The following APTX variants were observed in gnomAD, a reference collection of about 807,000 sequenced individuals.
APTX encodes the protein forkhead-associated domain histidine triad-like protein.
In APTX, 33 loss-of-function variants were observed where a neutral mutation model predicts 42.3. The ratio of observed to expected loss-of-function variants is 0.78; its 90% CI spans 0.59 to 1.04. APTX has a LOEUF of 1.04. Among genes scored for constraint, APTX ranks in the 50% least tolerant of loss-of-function variants. APTX has a pLI of 0.00. For synonymous variants in APTX, 130 were observed against 146.7 expected, an observed-to-expected ratio of 0.89 and a Z score of 0.82; for missense variants, 421 against 415.1, an observed-to-expected ratio of 1.01 and a Z score of -0.12.
intron 2 of APTX, among the ~76,000 whole-genome samples, chr9:32,988,443 T>C (rs959194649): frequency 1.3e-5 from 2 of 152,102 alleles, no homozygotes; most frequent in Non-Finnish European, 2.9e-5. Context: ...CTGCTCATGA[T>C]CACAGACTCT....
chr9:32,984,950 A>T (rs558899459), intron 5 of APTX, 93 bp from the exon 6 acceptor site: 2 of 1,199,184 alleles, frequency 1.7e-6, no homozygotes, highest in East Asian at 2.4e-5. Flanking sequence ...TAATTCCCAC[A>T]GTCTTGTGCA....
intron 1 of APTX, among the ~76,000 whole-genome samples, chr9:33,020,746 T>G (rs1838307168): frequency 6.6e-6 from 1 of 152,240 alleles, no homozygotes; most frequent in South Asian, 2.1e-4. Context: ...TTCAAACTTT[T>G]TAGCATAATG....
In APTX at chr9:32,986,041, AACAAAAAAAAAAAC is replaced by A. The variant is rs760674651; in HGVS notation, c.484-25_484-12del. 12 of 635,068 alleles carry A rather than the reference AACAAAAAAAAAAAC, an allele frequency of 1.9e-5. 1 individual carries two copies. The highest frequency in any genetic ancestry group is 1.3e-4 in the African/African-American group (5 of 37,546). 39.3% of individuals were successfully genotyped at this position (635,068 alleles called of 1,614,324 possible). ...GTGGCCCAGGGATTCCTAAAAAAAA[AACAAAAAAAAAAAC>A]AAAAAAAAAAAAAAACAAGCAATGT... On this transcript the variant is annotated splice_polypyrimidine_tract_variant and intron_variant, in intron 4 of 7. Transcript: ENST00000379817.
intron 1 of APTX, among the ~76,000 whole-genome samples, chr9:33,020,937 TG>T (rs777296317): frequency 7.6e-4 from 115 of 151,946 alleles, no homozygotes; most frequent in Non-Finnish European, 1.5e-3. Flanking sequence ...CAAGACAGCC[TG>T]GCCAACATGG....
In APTX at chr9:32,989,749, GACCAGTT is replaced by G; in HGVS notation, c.133+3_133+9del. The G allele has an allele frequency of 1.2e-6, 2 of 1,614,086 alleles. No individual in the cohort carries two copies. Among genetic ancestry groups the G allele is most frequent in the Non-Finnish European group, 8.5e-7 (1 of 1,180,030 alleles). ...ACCATAGTAATCTCCACATTTCTAT[GACCAGTT>G]ACCTTGCTGTCGAGAACATTTCTTA... is the stretch of plus-strand genomic sequence containing the variant. On this transcript the variant is annotated splice_donor_5th_base_variant and intron_variant, in intron 2 of 7. Transcript: ENST00000379817.
chr9:33,017,431 CAG>C (rs1837976159), intron 1 of APTX, among the ~76,000 whole-genome samples: 1 of 152,148 alleles, frequency 6.6e-6, no homozygotes, highest in South Asian at 2.1e-4. Context: ...GGTTTGTAGA[CAG>C]AGCTGTCCTC....
At chr9:33,020,349 G>A (rs1008812042) in intron 1 of APTX, among the ~76,000 whole-genome samples, 2 of 152,108 alleles carry the variant, frequency 1.3e-5, no homozygotes, top group Admixed American at 1.3e-4. Context: ...CCCTACCTCT[G>A]CATCAAGTCA....
At chr9:33,006,359 G>GAA (rs1321874975), upstream of APTX, among the ~76,000 whole-genome samples, 2 of 152,174 alleles carry the variant, frequency 1.3e-5, no homozygotes, top group African/African-American at 4.8e-5. Context: ...CAAATAGCTA[G>GAA]AATTGTGAAT....
chr9:32,977,234 C>T (rs1829635479), intron 6 of APTX, among the ~76,000 whole-genome samples: 1 of 152,024 alleles, frequency 6.6e-6, no homozygotes, highest in Non-Finnish European at 1.5e-5. Flanking sequence ...ACCTGTAATC[C>T]CAGCTACTCA....
chr9:32,990,470 G>A (rs999387481), intron 1 of APTX, among the ~76,000 whole-genome samples: 2 of 152,150 alleles, frequency 1.3e-5, no homozygotes, highest in African/African-American at 4.8e-5. Context: ...ATCACACCTG[G>A]CCTGTTACAC....
upstream of APTX, among the ~76,000 whole-genome samples, chr9:33,002,182 C>G (rs911419181): frequency 6.6e-6 from 1 of 151,808 alleles, no homozygotes; most frequent in Non-Finnish European, 1.5e-5. Context: ...TACAGCAATT[C>G]CAGAAAGTTC....
Position 32,973,409 on chromosome 9 carries a change from A to T in APTX, c.*89T>A. 1 of 1,424,348 alleles carries T rather than the reference A, an allele frequency of 7.0e-7. No homozygotes were observed. The allele number at this position is 1,424,348 out of a possible 1,614,324, so 88.2% of individuals were successfully genotyped here. ...AAAGCTGCATGTTTTAATTTAGGAA[A>T]TGAGTAGAAGTTCACAAGCAACCCA... On this transcript the variant is annotated 3_prime_UTR_variant, in exon 8 of 8. Transcript: ENST00000379817.
At position 33,001,297 on chromosome 9, in the gene APTX, T is replaced by C. The variant is rs540421898; in HGVS notation, c.-5+270A>G. The C allele has an allele frequency of 9.1e-5, 136 of 1,492,496 alleles. 2 individuals carry two copies. In the South Asian group the frequency reaches 1.5e-3, roughly 17 times the overall value. The allele number at this position is 1,492,496 out of a possible 1,614,324, so 92.5% of individuals were successfully genotyped here. On this transcript the variant is annotated intron_variant, in intron 1 of 7. Coordinates refer to ENST00000379817, the MANE Select transcript of APTX (RefSeq NM_001195248.2). ...TGGTTGGACAGGGCCCATTCTCTAATATTTTTTCGGCTTGTGTTGCGACCA... is the reference window on the plus strand; with the variant it reads ...TGGTTGGACAGGGCCCATTCTCTAACATTTTTTCGGCTTGTGTTGCGACCA...
intron 4 of APTX, 88 bp downstream of exon 4, chr9:32,987,456 T>C: frequency 6.5e-7 from 1 of 1,545,972 alleles, no homozygotes; most frequent in Non-Finnish European, 8.9e-7. Context: ...CCCTCACGCA[T>C]TTCTGAACTT....
chr9:33,018,814 G>A (rs1296178087), intron 1 of APTX, among the ~76,000 whole-genome samples: 1 of 152,182 alleles, frequency 6.6e-6, no homozygotes, highest in Non-Finnish European at 1.5e-5. Flanking sequence ...GGGAGGCGGA[G>A]GTTGCAGTGA....
At chr9:32,983,112 T>C (rs1181958404) in intron 6 of APTX, among the ~76,000 whole-genome samples, 1 of 152,116 alleles carries the variant, frequency 6.6e-6, no homozygotes, top group African/African-American at 2.4e-5. Context: ...ATTTTTTGTA[T>C]TTTTTGTAGA....
intron 4 of APTX, among the ~76,000 whole-genome samples, chr9:32,986,744 G>T (rs1487220774): frequency 6.7e-6 from 1 of 149,228 alleles, no homozygotes; most frequent in Non-Finnish European, 1.5e-5. Flanking sequence ...CAGGTGATCT[G>T]CCCATCTCGG....
At chr9:32,985,483 C>CA (rs1210599279) in intron 5 of APTX, among the ~76,000 whole-genome samples, 1 of 152,042 alleles carries the variant, frequency 6.6e-6, no homozygotes, top group Non-Finnish European at 1.5e-5. Context: ...TACAGGCATG[C>CA]ACCACCATGC....
chr9:32,993,242 C>G (rs1834057697), intron 1 of APTX, among the ~76,000 whole-genome samples: 1 of 152,208 alleles, frequency 6.6e-6, no homozygotes, highest in South Asian at 2.1e-4. Flanking sequence ...CTTTTTACTA[C>G]TTCCTGAGAA....
Sources: gnomAD v4.1 joint callset for allele counts (sites outside exome capture counted in the v4.1 genomes callset) on GRCh38, gnomAD v4.1.1 for gene constraint, MANE v1.5 for transcripts, NCBI Gene and HGNC (gene_info 2026-07-23, HGNC 2026-07-21) for gene names.